Variants in GALNTL6 observed in about 807,000 individuals in gnomAD.
The protein encoded by GALNTL6 is polypeptide N-acetylgalactosaminyltransferase-like 6.
Under a neutral mutation model 73.7 loss-of-function variants are expected in GALNTL6, and 46 were observed. That is an observed-to-expected ratio of 0.62 (90% CI 0.49 to 0.80). GALNTL6 has a LOEUF of 0.80. Ranked by LOEUF, GALNTL6 falls within the 30% of genes least tolerant of loss-of-function variation. The pLI, the probability that GALNTL6 is intolerant of heterozygous loss-of-function variation, is 0.00. For synonymous variants in GALNTL6, 259 were observed against 263.7 expected (o/e 0.98, Z 0.17); for missense variants, 604 against 755.0 (o/e 0.80, Z 2.34).
chr4:171,907,568 T>C lies in GALNTL6; in HGVS notation c.138+92850T>C, dbSNP rs1453484168. Among the ~76,000 whole-genome samples, 61 of 151,722 alleles carry C rather than the reference T, an allele frequency of 4.0e-4. 1 individual carries two copies. The highest frequency in any genetic ancestry group is 1.3e-3 in the African/African-American group (55 of 41,096). ...CAATATCGTGAAAATGGCCATACTG[T>C]CCAAGGTAATTTACAGATTCAATGC... On this transcript the variant is annotated intron_variant, in intron 2 of 12. Coordinates refer to ENST00000506823, the MANE Select transcript of GALNTL6 (RefSeq NM_001034845.3).
chr4:172,917,436 G>A (rs954624572), intron 8 of GALNTL6, among the ~76,000 whole-genome samples: 2 of 152,146 alleles, frequency 1.3e-5, no homozygotes, highest in African/African-American at 4.8e-5. Flanking sequence ...CACAGCAAAA[G>A]AACCTACCAT....
In GALNTL6 at chr4:171,946,098, A is replaced by C. The variant is rs771662302; in HGVS notation, c.138+131380A>C. Among the ~76,000 whole-genome samples, 123 of 152,320 alleles carry C rather than the reference A, an allele frequency of 8.1e-4. 1 individual carries two copies. Among genetic ancestry groups the C allele is most frequent in the East Asian group, 9.6e-4 (5 of 5,182 alleles). ...AAGCAGCTTAACAGATAGAATTAGC[A>C]AGCTGGGTATTGCCAATACAAAATT... On this transcript the variant is annotated intron_variant, in intron 2 of 12. Transcript: ENST00000506823.
chr4:172,311,761 C>G lies in GALNTL6; in HGVS notation c.386+9C>G, dbSNP rs1337810467. The stretch of plus-strand genomic sequence containing the variant: ...GATATTCGTCATGCTAAGTGAGTAT[C>G]AGCATATCAGTGATCAGGGTGGGTT... On this transcript the variant is annotated intron_variant, in intron 4 of 12. Transcript: ENST00000506823. The G allele has an allele frequency of 3.9e-6, 6 of 1,541,516 alleles. No homozygotes were observed. The highest frequency in any genetic ancestry group is 1.4e-5 in the African/African-American group (1 of 72,488).
At chr4:172,075,742 G>C (rs7677518) in intron 2 of GALNTL6, among the ~76,000 whole-genome samples, 1 of 151,756 alleles carries the variant, frequency 6.6e-6, no homozygotes, top group South Asian at 2.1e-4. Context: ...TACCCTGCCA[G>C]AAATGAGAAA....
chr4:171,863,496 A>T lies in GALNTL6; in HGVS notation c.138+48778A>T, dbSNP rs145436211. Among the ~76,000 whole-genome samples, 10 of 152,250 alleles carry T rather than the reference A, an allele frequency of 6.6e-5. No homozygotes were observed. The East Asian group carries it at 1.9e-3, about 29-fold the overall frequency. ...AAAATAGCTAAGACATTCTGGCTCTAGTTTTTTGCCTTCAGACTTTTTGAT... is the reference window on the plus strand; with the variant it reads ...AAAATAGCTAAGACATTCTGGCTCTTGTTTTTTGCCTTCAGACTTTTTGAT... On this transcript the variant is annotated intron_variant, in intron 2 of 12. Coordinates refer to ENST00000506823, the MANE Select transcript of GALNTL6 (RefSeq NM_001034845.3).
chr4:172,901,028 A>T (rs1746599959), intron 8 of GALNTL6, among the ~76,000 whole-genome samples: 1 of 152,058 alleles, frequency 6.6e-6, no homozygotes, highest in Admixed American at 6.6e-5. Flanking sequence ...TGTCATTCTG[A>T]ACGATATAAT....
At chr4:172,851,356 T>A (rs192300848) in intron 7 of GALNTL6, among the ~76,000 whole-genome samples, 1 of 151,994 alleles carries the variant, frequency 6.6e-6, no homozygotes, top group Admixed American at 6.6e-5. Context: ...AGAAGCTTTG[T>A]GCCAAAAATC....
chr4:172,367,131 T>C (rs1742594523), intron 5 of GALNTL6, among the ~76,000 whole-genome samples: 2 of 152,136 alleles, frequency 1.3e-5, no homozygotes, highest in Non-Finnish European at 1.5e-5. Context: ...TTTCTTTAGA[T>C]AAATTTAAGT....
At chr4:172,046,607 TTTTCAAATG>T (rs1424229440) in intron 2 of GALNTL6, among the ~76,000 whole-genome samples, 1 of 152,136 alleles carries the variant, frequency 6.6e-6, no homozygotes, top group Non-Finnish European at 1.5e-5. Context: ...TAATTTACAT[TTTTCAAATG>T]ATCAACCATG....
At chr4:172,327,973 A>C (rs1237178943) in intron 4 of GALNTL6, among the ~76,000 whole-genome samples, 3 of 152,054 alleles carry the variant, frequency 2.0e-5, no homozygotes, top group Non-Finnish European at 4.4e-5. Context: ...ATTGCTTTAT[A>C]GTGTCACTGG....
At chr4:171,849,218 G>A (rs1008095268) in intron 2 of GALNTL6, among the ~76,000 whole-genome samples, 1 of 152,128 alleles carries the variant, frequency 6.6e-6, no homozygotes, top group Admixed American at 6.6e-5. Flanking sequence ...AGCCGTTGCA[G>A]GGTTCTAAAC....
chr4:172,563,326 G>C (rs1736443438), intron 5 of GALNTL6, among the ~76,000 whole-genome samples: 1 of 150,730 alleles, frequency 6.6e-6, no homozygotes, highest in South Asian at 2.1e-4. Context: ...TTGCCTACAG[G>C]AGCCACGATA....
intron 2 of GALNTL6, among the ~76,000 whole-genome samples, chr4:172,073,126 A>T (rs867958237): frequency 2.0e-5 from 3 of 152,106 alleles, no homozygotes; most frequent in Non-Finnish European, 4.4e-5. Context: ...CCAGATTTTC[A>T]CAAAGCTACT....
At chr4:172,307,569 T>C (rs1329248130) in intron 3 of GALNTL6, among the ~76,000 whole-genome samples, 1 of 152,170 alleles carries the variant, frequency 6.6e-6, no homozygotes, top group Non-Finnish European at 1.5e-5. Context: ...TGTTCTTCTA[T>C]ATGTGGCTTG....
chr4:173,031,742 G>A (rs1753470109), intron 12 of GALNTL6, among the ~76,000 whole-genome samples: 1 of 152,178 alleles, frequency 6.6e-6, no homozygotes, highest in African/African-American at 2.4e-5. Flanking sequence ...TTTACTGAGG[G>A]GAGCTAAAGA....
intron 5 of GALNTL6, among the ~76,000 whole-genome samples, chr4:172,517,047 T>A (rs549125802): frequency 1.3e-5 from 2 of 152,184 alleles, no homozygotes; most frequent in South Asian, 4.1e-4. Context: ...AATGAAGGGT[T>A]GATATTTAAT....
rs79494988 is a variant in GALNTL6, at chr4:172,587,644, T to C, written c.554-221717T>C. 5.4e-3 allele frequency among the ~76,000 whole-genome samples: 830 copies of C among 152,304 alleles called. 8 individuals carry two copies. Among genetic ancestry groups the C allele is most frequent in the African/African-American group, 0.019 (776 of 41,572 alleles). Reference sequence around the variant, plus strand: ...TCCTCAGTAGCCTATGATTCCCCTCTATACCTTCCACGCCTGCTTTTCTGC... The same window carrying C: ...TCCTCAGTAGCCTATGATTCCCCTCCATACCTTCCACGCCTGCTTTTCTGC... On this transcript the variant is annotated intron_variant, in intron 5 of 12. Transcript: ENST00000506823.
intron 5 of GALNTL6, among the ~76,000 whole-genome samples, chr4:172,482,071 C>T (rs915022722): frequency 6.6e-6 from 1 of 152,212 alleles, no homozygotes; most frequent in Non-Finnish European, 1.5e-5. Flanking sequence ...GGTGGCCCAG[C>T]AGTGCTGGGG....
chr4:171,988,117 G>A (rs1202541844), intron 2 of GALNTL6, among the ~76,000 whole-genome samples: 2 of 152,194 alleles, frequency 1.3e-5, no homozygotes, highest in African/African-American at 4.8e-5. Flanking sequence ...AGCAGCCACT[G>A]CACGCAGACA....
Sources: gnomAD v4.1 joint callset for allele counts (sites outside exome capture counted in the v4.1 genomes callset) on GRCh38, gnomAD v4.1.1 for gene constraint, MANE v1.5 for transcripts, NCBI Gene and HGNC (gene_info 2026-07-23, HGNC 2026-07-21) for gene names.